The following FOXP2 variants were observed in gnomAD, a reference collection of about 807,000 sequenced individuals.
FOXP2 encodes the protein forkhead box P2.
Under a neutral mutation model 115.8 loss-of-function variants are expected in FOXP2, and 12 were observed. The observed-to-expected ratio is 0.10, with a 90% confidence interval of 0.07 to 0.17. The LOEUF (loss-of-function observed/expected upper bound fraction) is 0.17. Among genes scored for constraint, FOXP2 ranks in the 10% least tolerant of loss-of-function variants. The probability of loss-of-function intolerance (pLI) is 1.00; values close to 1 mark genes in which losing one functional copy is unlikely to be tolerated. For missense variants in FOXP2, 629 were observed against 843.5 expected (o/e 0.75, Z 3.15); for synonymous variants, 328 against 297.7 (o/e 1.10, Z -1.05).
chr7:114,253,301 A>G (rs1370506320), intron 1 of FOXP2, among the ~76,000 whole-genome samples: 5 of 152,096 alleles, frequency 3.3e-5, no homozygotes, highest in African/African-American at 1.2e-4. Flanking sequence ...GTAGATGTCT[A>G]TTAGGTCCAC....
chr7:114,441,034 T>G (rs1221436602), intron 2 of FOXP2, among the ~76,000 whole-genome samples: 2 of 152,214 alleles, frequency 1.3e-5, no homozygotes, highest in Admixed American at 6.6e-5. Context: ...GATTACTGCC[T>G]AAAAATATCA....
chr7:114,199,271 G>T (rs867669676), intron 1 of FOXP2, among the ~76,000 whole-genome samples: 1 of 152,240 alleles, frequency 6.6e-6, no homozygotes, highest in South Asian at 2.1e-4. Context: ...ATGGCTTAGA[G>T]AATTTGACAC....
At chr7:114,467,689 G>C (rs1323498145) in intron 2 of FOXP2, among the ~76,000 whole-genome samples, 1 of 152,064 alleles carries the variant, frequency 6.6e-6, no homozygotes, top group Admixed American at 6.6e-5. Flanking sequence ...GGTCTGAGGA[G>C]GATGGGAACA....
intron 1 of FOXP2, among the ~76,000 whole-genome samples, chr7:114,423,243 AG>A (rs1366366252): frequency 2.0e-5 from 3 of 151,736 alleles, no homozygotes; most frequent in African/African-American, 7.2e-5. Flanking sequence ...TGTTACACTA[AG>A]TAACCTTTCA....
chr7:114,469,823 G>A (rs1795970235), intron 2 of FOXP2, among the ~76,000 whole-genome samples: 1 of 152,090 alleles, frequency 6.6e-6, no homozygotes, highest in Admixed American at 6.6e-5. Flanking sequence ...AAGTAATTGT[G>A]ATGTGAAAAG....
At chr7:114,205,392 A>T (rs1332818066) in intron 1 of FOXP2, among the ~76,000 whole-genome samples, 2 of 152,228 alleles carry the variant, frequency 1.3e-5, no homozygotes, top group Non-Finnish European at 2.9e-5. Flanking sequence ...CAAGTTGGTA[A>T]GAATCAGATG....
At chr7:114,551,245 G>A (rs780873072) in intron 3 of FOXP2, among the ~76,000 whole-genome samples, 2 of 152,042 alleles carry the variant, frequency 1.3e-5, no homozygotes, top group African/African-American at 2.4e-5. Context: ...AAATGCCCTC[G>A]GTATGTTAGA....
Position 114,426,619 on chromosome 7 carries a change from A to G in FOXP2, c.108A>G (p.Ser36=). Residue 36 remains serine, a synonymous_variant, in exon 2 of 17, where the codon TCA becomes TCG. Transcript: ENST00000350908. ...ATGCTGGCAGCAGAGATGGAAGATC[A>G]AGTGGTGACACCAGCTCTGAAGTAA... ...QLDAGSRDGR[S]SGDTSSEVST... is the part of the protein sequence containing the mutation. 6.2e-7 allele frequency: 1 copy of G among 1,611,686 alleles called. No homozygotes were observed. The highest frequency in any genetic ancestry group is 8.5e-7 in the Non-Finnish European group (1 of 1,178,406).
intron 2 of FOXP2, among the ~76,000 whole-genome samples, chr7:114,462,310 A>C (rs375897611): frequency 1.3e-5 from 2 of 149,118 alleles, no homozygotes; most frequent in South Asian, 4.2e-4. Context: ...AAAGGTAACA[A>C]ACACTAAAGG....
chr7:114,661,855 T>C, intron 13 of FOXP2: 1 of 544,310 alleles, frequency 1.8e-6, no homozygotes, highest in Non-Finnish European at 3.2e-6. Context: ...TAAAATAGCT[T>C]GGAAGGTTCT....
At chr7:114,393,590 C>T (rs1369291442) in intron 2 of FOXP2, among the ~76,000 whole-genome samples, 2 of 151,732 alleles carry the variant, frequency 1.3e-5, no homozygotes, top group Non-Finnish European at 2.9e-5. Context: ...GAGTCAAAAC[C>T]ACAGATGAAA....
At chr7:114,455,811 T>C (rs906845420) in intron 2 of FOXP2, among the ~76,000 whole-genome samples, 7 of 152,192 alleles carry the variant, frequency 4.6e-5, no homozygotes, top group Non-Finnish European at 8.8e-5. Context: ...CATTGTTTAG[T>C]ATACATCCAG....
chr7:114,457,894 C>CAA lies in FOXP2; in HGVS notation c.168+31230_168+31231dup, dbSNP rs397740229. On this transcript the variant is annotated intron_variant, in intron 2 of 16. Transcript: ENST00000350908. ...GCTGGGCGACAGCGAGACTCCGTCT[C>CAA]AAAAAAAAAAAAAAAAGTCTTCTCA... 3.9e-3 allele frequency among the ~76,000 whole-genome samples: 448 copies of CAA among 115,510 alleles called. 5 individuals are homozygous for CAA. The highest frequency in any genetic ancestry group is 5.7e-3 in the Admixed American group (64 of 11,144). The allele number at this position is 115,510 out of a possible 152,430, so 75.8% of individuals were successfully genotyped here.
At chr7:114,170,036 T>C (rs963264465) in intron 1 of FOXP2, among the ~76,000 whole-genome samples, 10 of 152,224 alleles carry the variant, frequency 6.6e-5, no homozygotes, top group Non-Finnish European at 1.3e-4. Context: ...GTCTCCAGTA[T>C]GTCTTTATCA....
At chr7:114,572,833 G>A (rs943906820) in intron 3 of FOXP2, among the ~76,000 whole-genome samples, 11 of 151,842 alleles carry the variant, frequency 7.2e-5, no homozygotes, top group African/African-American at 2.7e-4. Context: ...GAATGAAAAT[G>A]AGACATGAAG....
intron 3 of FOXP2, among the ~76,000 whole-genome samples, chr7:114,577,760 A>G (rs1801649174): frequency 6.6e-6 from 1 of 151,968 alleles, no homozygotes; most frequent in African/African-American, 2.4e-5. Context: ...TATATATTTA[A>G]TATTTTATGA....
intron 3 of FOXP2, among the ~76,000 whole-genome samples, chr7:114,598,300 G>A (rs1305634782): frequency 6.6e-6 from 1 of 151,828 alleles, no homozygotes; most frequent in Non-Finnish European, 1.5e-5. Context: ...ATTTAGATAT[G>A]TCTATAGGTG....
intron 1 of FOXP2, among the ~76,000 whole-genome samples, chr7:114,099,265 T>C (rs937049425): frequency 3.0e-4 from 46 of 152,168 alleles, no homozygotes; most frequent in African/African-American, 1.0e-3. Context: ...AACAGGTATA[T>C]GAAAAGGTGC....
chr7:114,427,958 CAT>C (rs1156677300), intron 2 of FOXP2, among the ~76,000 whole-genome samples: 1 of 151,604 alleles, frequency 6.6e-6, no homozygotes, highest in East Asian at 1.9e-4. Flanking sequence ...TTTTAACAAT[CAT>C]AGGAATTATA....
Sources: gnomAD v4.1 joint callset for allele counts (sites outside exome capture counted in the v4.1 genomes callset) on GRCh38, gnomAD v4.1.1 for gene constraint, MANE v1.5 for transcripts, NCBI Gene and HGNC (gene_info 2026-07-23, HGNC 2026-07-21) for gene names.